Variants in POGZ observed in about 807,000 individuals in gnomAD.
The protein encoded by POGZ is pogo transposable element with ZNF domain.
In POGZ, 17 loss-of-function variants were observed where a neutral mutation model predicts 134.6. The observed-to-expected ratio is 0.13, with a 90% CI of 0.09 to 0.19. The LOEUF (loss-of-function observed/expected upper bound fraction) is 0.19, where lower values mean the gene tolerates loss of function less well. Ranked by LOEUF, POGZ falls within the 10% of genes least tolerant of loss-of-function variation. The pLI, the probability that POGZ is intolerant of heterozygous loss-of-function variation, is 1.00. For synonymous variants in POGZ, 693 were observed against 657.1 expected (o/e 1.05, Z -0.84); for missense variants, 1,306 against 1,769.7 (o/e 0.74, Z 4.70).
intron 12 of POGZ, 47 bp downstream of exon 12, chr1:151,411,578 A>T (rs558253905): frequency 3.7e-5 from 47 of 1,264,826 alleles, no homozygotes; most frequent in Middle Eastern, 2.0e-4. Context: ...TCCATGTTTA[A>T]AAAAAAAAAA....
intron 10 of POGZ, among the ~76,000 whole-genome samples, chr1:151,416,898 C>T (rs1655824616): frequency 1.3e-5 from 2 of 152,118 alleles, no homozygotes; most frequent in African/African-American, 4.8e-5. Context: ...TCCCAAAGTG[C>T]TAGGATTAGA....
At chr1:151,419,404 C>CT (rs1182292498) in intron 10 of POGZ, among the ~76,000 whole-genome samples, 1 of 151,764 alleles carries the variant, frequency 6.6e-6, no homozygotes, top group African/African-American at 2.4e-5. Flanking sequence ...AATCACAGCA[C>CT]TTTGAGGCTG....
intron 4 of POGZ, among the ~76,000 whole-genome samples, chr1:151,430,445 C>T (rs959563638): frequency 6.6e-6 from 1 of 152,222 alleles, no homozygotes; most frequent in African/African-American, 2.4e-5. Context: ...AATCAAATCA[C>T]TTAATAAACT....
Position 151,404,268 on chromosome 1 carries a change from GT to G in POGZ, c.*533del, listed in dbSNP as rs947164086. 17 of 983,442 alleles carry G rather than the reference GT, an allele frequency of 1.7e-5. No individual in the cohort carries two copies. The highest frequency in any genetic ancestry group is 1.0e-3 in the Middle Eastern group (2 of 1,906). The allele number at this position is 983,442 out of a possible 1,614,324, so 60.9% of individuals were successfully genotyped here. On this transcript the variant is annotated 3_prime_UTR_variant, in exon 19 of 19. Coordinates refer to ENST00000271715, the MANE Select transcript of POGZ (RefSeq NM_015100.4). ...AAGTGTTAAGACCACAATGAAAAAA[GT>G]TTTTTATCCATATATATAATAAACC...
intron 1 of POGZ, chr1:151,455,104 C>T (rs1281649686): frequency 6.9e-6 from 1 of 145,166 alleles, no homozygotes; most frequent in Non-Finnish European, 1.5e-5. Context: ...GAGACTCCAT[C>T]TCAAAAAAAA....
rs58367755 is a variant in POGZ, at chr1:151,435,958, C to CTT, written c.283+4968_283+4969dup. ...ATTTAGTTCCAGAACATTTTCTTTT[C>CTT]TTTTTTTTTTTTTTTGAGATGGAGT... On this transcript the variant is annotated intron_variant, in intron 3 of 18. Transcript: ENST00000271715. Among the ~76,000 whole-genome samples the CTT allele has an allele frequency of 2.1e-3, 278 of 134,730 alleles. 5 individuals are homozygous for CTT. The highest frequency in any genetic ancestry group is 6.3e-3 in the South Asian group (27 of 4,306). The allele number at this position is 134,730 out of a possible 152,430, so 88.4% of individuals were successfully genotyped here.
chr1:151,403,386 C>T lies in POGZ; in HGVS notation c.*1416G>A, dbSNP rs1653040136. 2 of 984,808 alleles carry T rather than the reference C, an allele frequency of 2.0e-6. No individual in the cohort carries two copies. The highest frequency in any genetic ancestry group is 2.4e-6 in the Non-Finnish European group (2 of 829,078). 61.0% of individuals were successfully genotyped at this position (984,808 alleles called of 1,614,324 possible). A position where few individuals can be genotyped will look rare whatever the true frequency, so the allele number is the denominator to read the frequency against. On this transcript the variant is annotated 3_prime_UTR_variant, in exon 19 of 19. Coordinates refer to ENST00000271715, the MANE Select transcript of POGZ (RefSeq NM_015100.4). ...TTTCCCCTCATTTTATTAAATGTTC[C>T]ACTTATGTACATTTTAAAGACGAAC...
In POGZ at chr1:151,424,373, G is replaced by A. The variant is rs1023258169; in HGVS notation, c.1186-87C>T. Reference sequence around the variant, plus strand: ...AACTTCACTACCATTCCTTGTTAACGGTTTGGTTTCAGGTATTCTCATTCA... The same window carrying A: ...AACTTCACTACCATTCCTTGTTAACAGTTTGGTTTCAGGTATTCTCATTCA... On this transcript the variant is annotated intron_variant, in intron 8 of 18. Transcript: ENST00000271715. 8.9e-5 allele frequency: 76 copies of A among 856,240 alleles called. No homozygotes were observed. The African/African-American group carries it at 1.1e-3, about 12-fold the overall frequency. The allele number at this position is 856,240 out of a possible 1,614,324, so 53.0% of individuals were successfully genotyped here.
intron 1 of POGZ, among the ~76,000 whole-genome samples, chr1:151,452,910 C>T (rs1571594326): frequency 1.3e-5 from 2 of 151,476 alleles, no homozygotes. Context: ...TTTAAGTGTT[C>T]CTTGTAGAAT....
At chr1:151,443,719 AAAATAAAAAT>A (rs796513552) in intron 1 of POGZ, among the ~76,000 whole-genome samples, 3 of 152,340 alleles carry the variant, frequency 2.0e-5, no homozygotes, top group African/African-American at 4.8e-5. Context: ...CATCTCAAAA[AAAATAAAAAT>A]AAATAAAAAC....
chr1:151,405,735 A>G lies in POGZ; in HGVS notation c.3300T>C (p.Asn1100=), dbSNP rs140394565. The G allele has an allele frequency of 3.7e-5, 59 of 1,614,240 alleles. No homozygotes were observed. The highest frequency in any genetic ancestry group is 6.7e-5 in the Admixed American group (4 of 60,020). ...GTACAAAATCAATGAAGAGTCCTGC[A>G]TTCTCTGCTACATCCTTAGGTAGGG... ...AHTLPKDVAE[N]AGLFIDFVQR... The change falls in exon 19 of 19, where the codon AAT becomes AAC. Residue 1100 remains asparagine (N), a synonymous_variant. Transcript: ENST00000271715. The surrounding 1 kb of genome is among the most constrained non-coding windows in gnomAD (Gnocchi z 4.9).
At chr1:151,438,037 C>T (rs940527372) in intron 3 of POGZ, among the ~76,000 whole-genome samples, 2 of 151,686 alleles carry the variant, frequency 1.3e-5, no homozygotes, top group African/African-American at 4.8e-5. Context: ...TGTGAAACTC[C>T]ATCTCTACTA....
At chr1:151,418,042 G>A (rs1477346185) in intron 10 of POGZ, among the ~76,000 whole-genome samples, 3 of 151,858 alleles carry the variant, frequency 2.0e-5, no homozygotes, top group South Asian at 2.1e-4. Context: ...GTAAAACCCC[G>A]TCTCCACTAA....
At chr1:151,415,154 T>C (rs1655396550) in intron 10 of POGZ, among the ~76,000 whole-genome samples, 1 of 152,184 alleles carries the variant, frequency 6.6e-6, no homozygotes, top group South Asian at 2.1e-4. Flanking sequence ...CAATTTGTTT[T>C]CCCTGTCTTC....
At position 151,459,333 on chromosome 1, in the gene POGZ, G is replaced by T. The variant is rs1056643624; in HGVS notation, c.-183C>A. 1 of 151,222 alleles carries T rather than the reference G, an allele frequency of 6.6e-6. No homozygotes were observed. The highest frequency in any genetic ancestry group is 1.5e-5 in the Non-Finnish European group (1 of 67,858). 9.4% of individuals were successfully genotyped at this position (151,222 alleles called of 1,614,324 possible). A position where few individuals can be genotyped will look rare whatever the true frequency, so the allele number is the denominator to read the frequency against. On this transcript the variant is annotated 5_prime_UTR_variant, in exon 1 of 19. Coordinates refer to ENST00000271715, the MANE Select transcript of POGZ (RefSeq NM_015100.4). ...CAAGGGTGAAAGGAAGCCTCCCTCG[G>T]GTTCGAGTGATTCGGGGTGGATTTT...
In POGZ at chr1:151,404,659, G is replaced by A; in HGVS notation, c.*143C>T. 3 of 1,401,228 alleles carry A rather than the reference G, an allele frequency of 2.1e-6. No individual in the cohort carries two copies. The highest frequency in any genetic ancestry group is 1.7e-5 in the South Asian group (1 of 57,414). 86.8% of individuals were successfully genotyped at this position (1,401,228 alleles called of 1,614,324 possible). On this transcript the variant is annotated 3_prime_UTR_variant, in exon 19 of 19. Coordinates refer to ENST00000271715, the MANE Select transcript of POGZ (RefSeq NM_015100.4). ...TCCACAAATCCACAGGGAAGTGTAA[G>A]TCAACTTCAGGGGGGAGTGGTGGTA... is the stretch of plus-strand genomic sequence containing the variant.
At chr1:151,406,653 A>G (rs376921839) in intron 17 of POGZ, 22 bp from the exon 18 acceptor site, 4 of 1,602,468 alleles carry the variant, frequency 2.5e-6, no homozygotes, top group Non-Finnish European at 3.4e-6. Flanking sequence ...GAAACAACAA[A>G]AATAGTTAGC....
Position 151,408,836 on chromosome 1 carries a change from G to C in POGZ, c.1927-8C>G. The C allele has an allele frequency of 2.6e-6, 4 of 1,536,672 alleles. No homozygotes were observed. Among genetic ancestry groups the C allele is most frequent in the African/African-American group, 2.9e-5 (2 of 67,940 alleles). On this transcript the variant is annotated splice_region_variant and splice_polypyrimidine_tract_variant and intron_variant, in intron 12 of 18. Coordinates refer to ENST00000271715, the MANE Select transcript of POGZ (RefSeq NM_015100.4). ...GTGATAAACATTTCTCTTCTGAAGTGGGGGAGGGAAAAAAAGAGACAAAAT... is the reference window on the plus strand; with the variant it reads ...GTGATAAACATTTCTCTTCTGAAGTCGGGGAGGGAAAAAAAGAGACAAAAT...
chr1:151,429,521 A>G, intron 5 of POGZ, 82 bp downstream of exon 5: 1 of 658,724 alleles, frequency 1.5e-6, no homozygotes, highest in African/African-American at 1.8e-5. Context: ...TGTACTTACT[A>G]AATGACTTAG....
Sources: gnomAD v4.1 joint callset for allele counts (sites outside exome capture counted in the v4.1 genomes callset) on GRCh38, gnomAD v4.1.1 for gene constraint, Gnocchi (gnomAD v3.1) non-coding constraint, MANE v1.5 for transcripts, NCBI Gene and HGNC (gene_info 2026-07-23, HGNC 2026-07-21) for gene names.